Variants in MCU observed in about 807,000 individuals in gnomAD.
MCU encodes mitochondrial calcium uniporter.
In MCU, 12 loss-of-function variants were observed where a neutral mutation model predicts 45.2. That is an observed-to-expected ratio of 0.27 (90% CI 0.17 to 0.43). The LOEUF (loss-of-function observed/expected upper bound fraction) is 0.43, where lower values mean the gene tolerates loss of function less well. MCU is among the 20% of genes least tolerant of loss of function. MCU has a pLI of 1.00. For synonymous variants in MCU, 160 were observed against 165.1 expected (o/e 0.97, Z 0.24); for missense variants, 324 against 436.7 (o/e 0.74, Z 2.30).
At chr10:72,714,529 G>T (rs2132664912) in intron 1 of MCU, among the ~76,000 whole-genome samples, 1 of 151,436 alleles carries the variant, frequency 6.6e-6, no homozygotes, top group South Asian at 2.1e-4. Context: ...CTTATCATGT[G>T]ATTGTCAAAT....
intron 1 of MCU, among the ~76,000 whole-genome samples, chr10:72,821,829 A>AACTTTTCCAACTTTTCCAACTTTTCCAAC (rs1844716855): frequency 6.6e-6 from 1 of 152,178 alleles, no homozygotes; most frequent in Admixed American, 6.5e-5. Flanking sequence ...CACATGGAAC[A>AACTTTTCCAACTTTTCCAACTTTTCCAAC]TTTTCCAACA....
chr10:72,786,669 C>A (rs969799369), intron 1 of MCU, among the ~76,000 whole-genome samples: 3 of 152,100 alleles, frequency 2.0e-5, no homozygotes, highest in African/African-American at 7.2e-5. Flanking sequence ...TCGCTTGAAC[C>A]CAGCAGGTGG....
intron 1 of MCU, among the ~76,000 whole-genome samples, chr10:72,762,602 G>A (rs531525320): frequency 5.3e-5 from 8 of 152,112 alleles, no homozygotes; most frequent in Admixed American, 2.0e-4. Context: ...GAAGAAAAAT[G>A]TTTTAATTAT....
intron 7 of MCU, 49 bp from the exon 8 acceptor site, chr10:72,885,696 C>A: frequency 8.5e-7 from 1 of 1,172,896 alleles, no homozygotes; most frequent in Non-Finnish European, 1.3e-6. Context: ...ACAGTAATAT[C>A]ATTGAAAGCT....
intron 1 of MCU, among the ~76,000 whole-genome samples, chr10:72,811,343 C>T (rs969784753): frequency 6.6e-6 from 1 of 152,150 alleles, no homozygotes; most frequent in African/African-American, 2.4e-5. Context: ...TTAATGTGTT[C>T]ATGTGTGTTT....
intron 1 of MCU, among the ~76,000 whole-genome samples, chr10:72,812,380 A>G (rs1260656640): frequency 6.6e-6 from 1 of 152,168 alleles, no homozygotes; most frequent in Non-Finnish European, 1.5e-5. Flanking sequence ...TCCTGAGCTC[A>G]GGTGATCCGC....
chr10:72,715,524 A>G (rs1049948930), intron 1 of MCU, among the ~76,000 whole-genome samples: 2 of 152,174 alleles, frequency 1.3e-5, no homozygotes, highest in Non-Finnish European at 2.9e-5. Flanking sequence ...TACCTCACAC[A>G]GTTACTCTGG....
At chr10:72,847,148 C>T (rs1040933871) in intron 2 of MCU, among the ~76,000 whole-genome samples, 1 of 152,108 alleles carries the variant, frequency 6.6e-6, no homozygotes, top group Admixed American at 6.6e-5. Context: ...ATTTTTTGCA[C>T]TTTTTCACTA....
In MCU at chr10:72,693,201, A is replaced by T. The variant is rs112076979; in HGVS notation, c.150+900A>T. On this transcript the variant is annotated intron_variant, in intron 1 of 7. Transcript: ENST00000373053. ...GTGTGTGTGTGTGTGTGTGTGTGTGAGAGAGAGAGAGACAGAGTGTGAGAG... is the reference window on the plus strand; with the variant it reads ...GTGTGTGTGTGTGTGTGTGTGTGTGTGAGAGAGAGAGACAGAGTGTGAGAG... 1,536 of 543,520 alleles carry T rather than the reference A, an allele frequency of 2.8e-3. No homozygotes were observed. Among genetic ancestry groups the T allele is most frequent in the Non-Finnish European group, 3.0e-3 (992 of 327,758 alleles). 33.7% of individuals were successfully genotyped at this position (543,520 alleles called of 1,614,324 possible).
Position 72,849,976 on chromosome 10 carries a change from C to T in MCU, c.221-9201C>T, listed in dbSNP as rs180971954. 1.3e-4 allele frequency among the ~76,000 whole-genome samples: 19 copies of T among 150,812 alleles called. No individual in the cohort carries two copies. The East Asian group carries it at 3.5e-3, about 28-fold the overall frequency. On this transcript the variant is annotated intron_variant, in intron 2 of 7. Transcript: ENST00000373053. ...TTGCCCAGGCTGGAGTGCAGTGGCA[C>T]GATCTCAGCTCACTGCAACCTCCGC...
chr10:72,769,421 T>C (rs1477835310), intron 1 of MCU, among the ~76,000 whole-genome samples: 1 of 152,140 alleles, frequency 6.6e-6, no homozygotes, highest in Non-Finnish European at 1.5e-5. Flanking sequence ...GGTTTTAATA[T>C]TGATGAAACA....
chr10:72,721,954 C>A (rs995032640), intron 1 of MCU, among the ~76,000 whole-genome samples: 5 of 152,090 alleles, frequency 3.3e-5, no homozygotes, highest in Admixed American at 6.6e-5. Context: ...AATTACTATC[C>A]ACTTAGGCTC....
chr10:72,882,885 G>A (rs947953047), intron 6 of MCU, among the ~76,000 whole-genome samples: 8 of 152,172 alleles, frequency 5.3e-5, no homozygotes, highest in African/African-American at 1.9e-4. Context: ...CTACCGACAT[G>A]TGATGTCCCC....
At position 72,724,333 on chromosome 10, in the gene MCU, C is replaced by T. The variant is rs143627592; in HGVS notation, c.150+32032C>T. 5.2e-3 allele frequency among the ~76,000 whole-genome samples: 787 copies of T among 152,288 alleles called. 5 individuals carry two copies. The highest frequency in any genetic ancestry group is 0.018 in the African/African-American group (746 of 41,568). On this transcript the variant is annotated intron_variant, in intron 1 of 7. Coordinates refer to ENST00000373053, the MANE Select transcript of MCU (RefSeq NM_138357.3). ...CAATGAAGCTTTAATATGTTTTTCT[C>T]GTATAAGTGAAGTGAGATTCTTTTA...
intron 1 of MCU, among the ~76,000 whole-genome samples, chr10:72,701,352 A>C (rs1210948336): frequency 6.6e-6 from 1 of 152,204 alleles, no homozygotes; most frequent in African/African-American, 2.4e-5. Context: ...GGATGCACTG[A>C]AAGGCAGGAC....
intron 1 of MCU, among the ~76,000 whole-genome samples, chr10:72,799,838 G>A (rs1844312428): frequency 6.6e-6 from 1 of 151,958 alleles, no homozygotes; most frequent in South Asian, 2.1e-4. Flanking sequence ...CATATTTTAA[G>A]GATCACAAAT....
chr10:72,721,973 G>T (rs558907184), intron 1 of MCU, among the ~76,000 whole-genome samples: 1 of 152,116 alleles, frequency 6.6e-6, no homozygotes, highest in African/African-American at 2.4e-5. Context: ...TCCTTATGGG[G>T]AATGCAACAA....
At chr10:72,784,344 A>T (rs1335723500) in intron 1 of MCU, among the ~76,000 whole-genome samples, 5 of 152,214 alleles carry the variant, frequency 3.3e-5, no homozygotes, top group Non-Finnish European at 7.3e-5. Context: ...TCTTAGAAGG[A>T]TGTGTCTTAT....
intron 4 of MCU, among the ~76,000 whole-genome samples, chr10:72,862,786 A>T (rs370076544): frequency 3.3e-5 from 5 of 152,076 alleles, no homozygotes; most frequent in Non-Finnish European, 4.4e-5. Context: ...AGGCCTGGTA[A>T]GGTGGCTCAC....
Sources: allele counts gnomAD v4.1 joint callset (sites outside exome capture counted in the v4.1 genomes callset), GRCh38; gene constraint gnomAD v4.1.1; transcripts MANE v1.5; gene names NCBI Gene and HGNC (gene_info 2026-07-23, HGNC 2026-07-21).